Variants in CYTH4 observed in about 807,000 individuals in gnomAD.
CYTH4 encodes the protein cytohesin-4.
In CYTH4, 22 loss-of-function variants were observed where a neutral mutation model predicts 57.5. That is an observed-to-expected ratio of 0.38 (90% CI 0.27 to 0.55). The LOEUF (loss-of-function observed/expected upper bound fraction) is 0.55, where lower values mean the gene tolerates loss of function less well. Among genes scored for constraint, CYTH4 ranks in the 20% least tolerant of loss-of-function variants. The probability of loss-of-function intolerance (pLI) is 0.74; values close to 1 mark genes in which losing one functional copy is unlikely to be tolerated. For missense variants in CYTH4, 420 were observed against 535.6 expected, an observed-to-expected ratio of 0.78 and a Z score of 2.13; for synonymous variants, 186 against 206.5, an observed-to-expected ratio of 0.90 and a Z score of 0.85.
At chr22:37,296,254 A>G in intron 4 of CYTH4, 189 bp downstream of exon 4, 1 of 629,924 alleles carries the variant, frequency 1.6e-6, no homozygotes, top group Non-Finnish European at 2.7e-6. Context: ...ACTCCCAGGC[A>G]TACACGCCTT....
Position 37,312,112 on chromosome 22 carries a change from C to T in CYTH4, c.1050C>T (p.His350=), listed in dbSNP as rs764307632. 2.0e-5 allele frequency: 33 copies of T among 1,614,116 alleles called. No individual in the cohort carries two copies. The highest frequency in any genetic ancestry group is 5.0e-5 in the Admixed American group (3 of 60,006). The change falls in exon 12 of 13, where the codon CAC becomes CAT. Residue 350 remains histidine, a synonymous_variant. Coordinates refer to ENST00000248901, the MANE Select transcript of CYTH4 (RefSeq NM_013385.5). ...DGDGRVVEGK[H]ESYRISATSA... is the part of the protein sequence containing the mutation. ...ACGGCAGGGTGGTGGAGGGCAAGCA[C>T]GAATCGTACCGCATCTCAGCCACCA...
chr22:37,285,501 A>G (rs1385461403), intron 1 of CYTH4, among the ~76,000 whole-genome samples: 2 of 152,010 alleles, frequency 1.3e-5, no homozygotes, highest in African/African-American at 4.8e-5. Flanking sequence ...AGGTCAGGAG[A>G]TCGAGACCAA....
intron 1 of CYTH4, among the ~76,000 whole-genome samples, chr22:37,291,465 G>A (rs532493285): frequency 7.9e-5 from 12 of 152,324 alleles, no homozygotes; most frequent in Admixed American, 3.3e-4. Flanking sequence ...GGCACTTCCC[G>A]ACGCTGGAAC....
At position 37,282,601 on chromosome 22, in the gene CYTH4, C is replaced by G. The variant is rs769761646; in HGVS notation, c.19+13C>G. ...CTGTGCCACCCAGGTAAGCAACTGCCGTCAACCTCTCTGGGCCTCAGGGTG... is the reference window on the plus strand; with the variant it reads ...CTGTGCCACCCAGGTAAGCAACTGCGGTCAACCTCTCTGGGCCTCAGGGTG... On this transcript the variant is annotated intron_variant, in intron 1 of 12. Coordinates refer to ENST00000248901, the MANE Select transcript of CYTH4 (RefSeq NM_013385.5). The G allele has an allele frequency of 1.9e-6, 3 of 1,608,720 alleles. No homozygotes were observed. Among genetic ancestry groups the G allele is most frequent in the South Asian group, 1.1e-5 (1 of 90,346 alleles).
chr22:37,312,631 G>A (rs1391980746), intron 12 of CYTH4, among the ~76,000 whole-genome samples: 1 of 152,246 alleles, frequency 6.6e-6, no homozygotes, highest in Non-Finnish European at 1.5e-5. Flanking sequence ...GCTAAGCAGT[G>A]TGGGAGCTGA....
intron 1 of CYTH4, among the ~76,000 whole-genome samples, chr22:37,289,380 G>T (rs1329184890): frequency 1.3e-5 from 2 of 152,216 alleles, no homozygotes; most frequent in Admixed American, 6.5e-5. Flanking sequence ...CCCCTGGGAG[G>T]ACTTGCCCTC....
chr22:37,298,125 T>C lies in CYTH4; in HGVS notation c.353+443T>C, dbSNP rs907880732. On this transcript the variant is annotated intron_variant, in intron 5 of 12. Coordinates refer to ENST00000248901, the MANE Select transcript of CYTH4 (RefSeq NM_013385.5). This position sits in a 1 kb window ranked among gnomAD's most constrained non-coding sequence, Gnocchi z 4.1. Reference sequence around the variant, plus strand: ...GGCTCATGCCTGTAATCCCAGCACTTTGGGAGGCCGAGGCAGGCAGATCGC... The same window carrying C: ...GGCTCATGCCTGTAATCCCAGCACTCTGGGAGGCCGAGGCAGGCAGATCGC... 1.3e-5 allele frequency: 2 copies of C among 157,764 alleles called. No homozygotes were observed. The highest frequency in any genetic ancestry group is 2.8e-5 in the Non-Finnish European group (2 of 71,260). The allele number at this position is 157,764 out of a possible 1,614,324, so 9.8% of individuals were successfully genotyped here.
At chr22:37,282,682 T>C (rs1928408304) in intron 1 of CYTH4, 94 bp downstream of exon 1, 1 of 1,138,750 alleles carries the variant, frequency 8.8e-7, no homozygotes, top group Non-Finnish European at 1.2e-6. Context: ...GATAAAGGAA[T>C]ACAGCGCAGG....
At position 37,297,702 on chromosome 22, in the gene CYTH4, T is replaced by C; in HGVS notation, c.353+20T>C. On this transcript the variant is annotated intron_variant, in intron 5 of 12. Transcript: ENST00000248901. ...GGAGAGGTAAGAACGAGTGGAGCCT[T>C]AGCGAGGCAGGAAATGAAGGTGTGC... The C allele has an allele frequency of 1.2e-6, 2 of 1,600,330 alleles. No homozygotes were observed. The highest frequency in any genetic ancestry group is 1.7e-6 in the Non-Finnish European group (2 of 1,167,948).
intron 4 of CYTH4, chr22:37,296,278 C>A: frequency 1.7e-6 from 1 of 593,838 alleles, no homozygotes. Flanking sequence ...GCAGGAGGAG[C>A]CAGGAGCATG....
At chr22:37,309,345 G>T (rs774452887) in intron 9 of CYTH4, 22 bp downstream of exon 9, 2 of 1,598,714 alleles carry the variant, frequency 1.3e-6, no homozygotes, top group South Asian at 1.1e-5. Flanking sequence ...ACAGACACAC[G>T]TCGTCGCACA....
intron 3 of CYTH4, among the ~76,000 whole-genome samples, chr22:37,294,994 G>A (rs1928899703): frequency 6.6e-6 from 1 of 151,380 alleles, no homozygotes; most frequent in Non-Finnish European, 1.5e-5. Context: ...CTGTGGTCCA[G>A]CCCTGACCGA....
intron 4 of CYTH4, among the ~76,000 whole-genome samples, chr22:37,296,909 G>A (rs1928990788): frequency 6.6e-6 from 1 of 152,210 alleles, no homozygotes; most frequent in Non-Finnish European, 1.5e-5. Context: ...GAGAGCCAGA[G>A]ACCAACCCCT....
At chr22:37,290,760 G>T (rs993705366) in intron 1 of CYTH4, among the ~76,000 whole-genome samples, 35 of 152,122 alleles carry the variant, frequency 2.3e-4, no homozygotes, top group Admixed American at 2.3e-3. Flanking sequence ...CGCCCGCCTC[G>T]GCCTCCCAAA....
chr22:37,292,488 C>T (rs1928781382), intron 1 of CYTH4, 133 bp from the exon 2 acceptor site: 1 of 826,320 alleles, frequency 1.2e-6, no homozygotes. Flanking sequence ...TCAGGGGAGG[C>T]TTCCTGGAGG....
intron 1 of CYTH4, among the ~76,000 whole-genome samples, chr22:37,290,018 A>C (rs573388408): frequency 6.6e-6 from 1 of 152,228 alleles, no homozygotes; most frequent in East Asian, 1.9e-4. Flanking sequence ...CAGCTTCATA[A>C]ATTTCCAAAT....
Position 37,292,658 on chromosome 22 carries a change from A to G in CYTH4, c.57A>G (p.Leu19=). Residue 19 remains leucine, a synonymous_variant, in exon 2 of 13, where the codon TTA becomes TTG. Coordinates refer to ENST00000248901, the MANE Select transcript of CYTH4 (RefSeq NM_013385.5). The part of the protein sequence containing the change: ...AELSSGETEE[L]QRIKWHRKQL... ...TGAGCAGCGGGGAGACGGAAGAGTT[A>G]CAGAGGATCAAGTGGCACCGAAAGC... 6.2e-7 allele frequency: 1 copy of G among 1,613,938 alleles called. No homozygotes were observed.
intron 6 of CYTH4, among the ~76,000 whole-genome samples, chr22:37,299,852 G>T (rs1015995934): frequency 2.0e-5 from 3 of 152,134 alleles, no homozygotes; most frequent in African/African-American, 7.2e-5. Flanking sequence ...TTAGCCGGGC[G>T]TGGTGGCGGG....
At chr22:37,294,605 C>A (rs956121899) in intron 2 of CYTH4, 55 bp from the exon 3 acceptor site, 2 of 1,600,968 alleles carry the variant, frequency 1.2e-6, no homozygotes, top group African/African-American at 2.7e-5. Context: ...CTCAAACCCC[C>A]GGGGTTCTGG....
Sources: allele counts gnomAD v4.1 joint callset (sites outside exome capture counted in the v4.1 genomes callset), GRCh38; gene constraint gnomAD v4.1.1; non-coding constraint Gnocchi (gnomAD v3.1); transcripts MANE v1.5; gene names NCBI Gene and HGNC (gene_info 2026-07-23, HGNC 2026-07-21).